Variants in STIMATE observed in about 807,000 individuals in gnomAD.
The protein encoded by STIMATE is store-operated calcium entry regulator STIMATE.
In STIMATE, 15 loss-of-function variants were observed where a neutral mutation model predicts 36.7. The observed-to-expected ratio is 0.41, with a 90% CI of 0.27 to 0.63. The LOEUF (loss-of-function observed/expected upper bound fraction) is 0.63, where lower values mean the gene tolerates loss of function less well. Among genes scored for constraint, STIMATE ranks in the 20% least tolerant of loss-of-function variants. The pLI, the probability that STIMATE is intolerant of heterozygous loss-of-function variation, is 0.32. For missense variants in STIMATE, 305 were observed against 397.3 expected (o/e 0.77, Z 1.98); for synonymous variants, 163 against 162.3 (o/e 1.00, Z -0.03).
chr3:52,865,987 T>C (rs566424202), intron 1 of STIMATE, among the ~76,000 whole-genome samples: 5 of 152,206 alleles, frequency 3.3e-5, no homozygotes, highest in South Asian at 2.1e-4. Context: ...CTCCATTTTC[T>C]TTCATTAGAG....
At chr3:52,873,933 A>G (rs1701453669) in intron 1 of STIMATE, among the ~76,000 whole-genome samples, 1 of 152,228 alleles carries the variant, frequency 6.6e-6, no homozygotes, top group African/African-American at 2.4e-5. Context: ...ATTTCATTCA[A>G]TCTCATAGCG....
intron 1 of STIMATE, among the ~76,000 whole-genome samples, chr3:52,893,531 T>A (rs1204809111): frequency 6.6e-6 from 1 of 152,050 alleles, no homozygotes; most frequent in African/African-American, 2.4e-5. Context: ...GGAGAGGTGA[T>A]CGTAGGGAAG....
At chr3:52,894,859 GC>G (rs752233965) in intron 1 of STIMATE, among the ~76,000 whole-genome samples, 14 of 152,206 alleles carry the variant, frequency 9.2e-5, no homozygotes. Context: ...CTCAAAAACA[GC>G]CCCTCAAAGG....
rs1464341933 is a variant in STIMATE at position 52,836,872 on chromosome 3, T to C, written c.*3622A>G. 7.8e-6 allele frequency: 2 copies of C among 255,174 alleles called. No homozygotes were observed. The highest frequency in any genetic ancestry group is 4.2e-5 in the South Asian group (1 of 23,772). The allele number at this position is 255,174 out of a possible 1,614,324, so 15.8% of individuals were successfully genotyped here. On this transcript the variant is annotated 3_prime_UTR_variant, in exon 8 of 8. Coordinates refer to ENST00000355083, the MANE Select transcript of STIMATE (RefSeq NM_198563.5). ...CCACCGATTAAGCACCCCCACTGGA[T>C]GGCTGCTGAAGTGGGCCATGGTTTT...
At chr3:52,859,531 A>AAATTTTT (rs748928249) in intron 1 of STIMATE, among the ~76,000 whole-genome samples, 1 of 18,810 alleles carries the variant, frequency 5.3e-5, no homozygotes, top group Non-Finnish European at 1.2e-4. Context: ...AAAAAAAAAA[A>AAATTTTT]TTTTTTTTTT....
At chr3:52,896,244 A>C (rs1003378938) in intron 1 of STIMATE, among the ~76,000 whole-genome samples, 5 of 152,220 alleles carry the variant, frequency 3.3e-5, no homozygotes, top group Non-Finnish European at 5.9e-5. Context: ...TGAGTACCCC[A>C]AAGCATACTT....
At chr3:52,882,360 C>T (rs1408829755) in intron 1 of STIMATE, among the ~76,000 whole-genome samples, 2 of 152,194 alleles carry the variant, frequency 1.3e-5, no homozygotes, top group African/African-American at 4.8e-5. Flanking sequence ...GTCTCGTAAA[C>T]TAACCTTGAG....
intron 1 of STIMATE, among the ~76,000 whole-genome samples, chr3:52,865,586 C>G (rs1353265407): frequency 6.7e-6 from 1 of 149,208 alleles, no homozygotes; most frequent in African/African-American, 2.5e-5. Context: ...CATCAGATCT[C>G]ATGAGACTTA....
At position 52,836,736 on chromosome 3, in the gene STIMATE, C is replaced by A; in HGVS notation, c.*3758G>T. ...ACCACAACCACAAATGTGATGGTTTCTTTTTAAAAAAAACTGTAATAAGAT... is the reference window on the plus strand; with the variant it reads ...ACCACAACCACAAATGTGATGGTTTATTTTTAAAAAAAACTGTAATAAGAT... On this transcript the variant is annotated 3_prime_UTR_variant, in exon 8 of 8. Coordinates refer to ENST00000355083, the MANE Select transcript of STIMATE (RefSeq NM_198563.5). The A allele has an allele frequency of 5.3e-6, 2 of 375,422 alleles. No homozygotes were observed. Among genetic ancestry groups the A allele is most frequent in the South Asian group, 1.9e-5 (1 of 53,176 alleles). The allele number at this position is 375,422 out of a possible 1,614,324, so 23.3% of individuals were successfully genotyped here.
rs530687222 is a variant in STIMATE, at chr3:52,856,053, G to A, written c.161-609C>T. On this transcript the variant is annotated intron_variant, in intron 1 of 7. Transcript: ENST00000355083. ...AGAAGAGACTTTACTGATGGGGGACGGTCAAGCCAAGCCCTGAAGGCTGGG... is the reference window on the plus strand; with the variant it reads ...AGAAGAGACTTTACTGATGGGGGACAGTCAAGCCAAGCCCTGAAGGCTGGG... Among the ~76,000 whole-genome samples, 17 of 152,332 alleles carry A rather than the reference G, an allele frequency of 1.1e-4. No individual in the cohort carries two copies. The South Asian group carries it at 2.5e-3, about 22-fold the overall frequency.
In STIMATE at chr3:52,847,666, G is replaced by A. The variant is rs1386229487; in HGVS notation, c.427+2126C>T. 4 of 767,360 alleles carry A rather than the reference G, an allele frequency of 5.2e-6. No individual in the cohort carries two copies. In the East Asian group the frequency reaches 2.6e-4, roughly 49 times the overall value. 47.5% of individuals were successfully genotyped at this position (767,360 alleles called of 1,614,324 possible). A position where few individuals can be genotyped will look rare whatever the true frequency, so the allele number is the denominator to read the frequency against. ...GGGCAGGATAACAGGTGTGGGAGGT[G>A]GAATAACAGCCCCACACAGTTGCCT... is the stretch of plus-strand genomic sequence containing the variant. On this transcript the variant is annotated intron_variant, in intron 4 of 7. Transcript: ENST00000355083.
At position 52,855,456 on chromosome 3, in the gene STIMATE, G is replaced by T; in HGVS notation, c.161-12C>A. 1 of 1,613,882 alleles carries T rather than the reference G, an allele frequency of 6.2e-7. No individual in the cohort carries two copies. The highest frequency in any genetic ancestry group is 1.7e-4 in the Middle Eastern group (1 of 6,060). On this transcript the variant is annotated splice_polypyrimidine_tract_variant and intron_variant, in intron 1 of 7. Coordinates refer to ENST00000355083, the MANE Select transcript of STIMATE (RefSeq NM_198563.5). ...TCTGAAGCGTTTGACTGAAAGAAAAGACAGACATCAGTAGTTTTCCAAAGA... is the reference window on the plus strand; with the variant it reads ...TCTGAAGCGTTTGACTGAAAGAAAATACAGACATCAGTAGTTTTCCAAAGA...
At chr3:52,868,223 T>C (rs533429427) in intron 1 of STIMATE, among the ~76,000 whole-genome samples, 15 of 152,348 alleles carry the variant, frequency 9.8e-5, no homozygotes, top group African/African-American at 3.1e-4. Context: ...TGCTGGCTGC[T>C]TCCCAAATCC....
rs776765258 is a variant in STIMATE, at chr3:52,840,584, C to T, written c.795G>A (p.Met265Ile). 7 of 1,613,806 alleles carry T rather than the reference C, an allele frequency of 4.3e-6. No individual in the cohort carries two copies. The East Asian group carries it at 1.3e-4, about 31-fold the overall frequency. Residue 265 changes from methionine (M) to isoleucine (I), a missense_variant, in exon 8 of 8, where the codon ATG (methionine) becomes ATA (isoleucine). Met to Ile is a conservative substitution (Grantham distance 10). Around this residue, in one of 3 missense-constraint regions of STIMATE, gnomAD observed 84 missense variants for 82.4 expected, o/e 1.02. Coordinates refer to ENST00000355083, the MANE Select transcript of STIMATE (RefSeq NM_198563.5). ...SEILISADDE[M>I]EESDVEEDLR... Reference sequence around the variant, plus strand: ...GGTCCTCCTCCACGTCGGACTCCTCCATCTCATCATCCGCTGAGATCAGGA... The same window carrying T: ...GGTCCTCCTCCACGTCGGACTCCTCTATCTCATCATCCGCTGAGATCAGGA...
At chr3:52,851,953 G>T (rs917053721) in intron 3 of STIMATE, among the ~76,000 whole-genome samples, 5 of 152,224 alleles carry the variant, frequency 3.3e-5, no homozygotes, top group African/African-American at 7.2e-5. Context: ...GTAAAATGGG[G>T]ATGATCAAAG....
chr3:52,880,831 A>G (rs1701590747), intron 1 of STIMATE, among the ~76,000 whole-genome samples: 2 of 152,244 alleles, frequency 1.3e-5, no homozygotes, highest in Non-Finnish European at 2.9e-5. Flanking sequence ...AAATAGTCTG[A>G]AATTCATCTT....
In STIMATE at chr3:52,865,662, C is replaced by T. The variant is rs536099520; in HGVS notation, c.161-10218G>A. On this transcript the variant is annotated intron_variant, in intron 1 of 7. Coordinates refer to ENST00000355083, the MANE Select transcript of STIMATE (RefSeq NM_198563.5). ...GATTCAAATTGTCTCCTATCAGGTC[C>T]CCCCACCCCAACGTGGGAATTATGG... 8.5e-5 allele frequency among the ~76,000 whole-genome samples: 13 copies of T among 152,264 alleles called. No homozygotes were observed. The South Asian group carries it at 2.7e-3, about 32-fold the overall frequency.
At chr3:52,865,268 G>C (rs4687679) in intron 1 of STIMATE, among the ~76,000 whole-genome samples, 83,775 of 151,980 alleles carry the variant, frequency 0.55, 24,046 homozygotes, top group Non-Finnish European at 0.63. Context: ...TCTCTAGAGA[G>C]TTCCAAACTT....
At chr3:52,876,628 T>C (rs1278896549) in intron 1 of STIMATE, among the ~76,000 whole-genome samples, 2 of 152,270 alleles carry the variant, frequency 1.3e-5, no homozygotes, top group South Asian at 2.1e-4. Flanking sequence ...CAAGTTTTCA[T>C]GATAATCCAC....
Sources: gnomAD v4.1 joint callset for allele counts (sites outside exome capture counted in the v4.1 genomes callset) on GRCh38, gnomAD v4.1.1 for gene constraint, gnomAD v4.1.1 regional missense constraint, MANE v1.5 for transcripts, NCBI Gene and HGNC (gene_info 2026-07-23, HGNC 2026-07-21) for gene names.